Variants in TMC6 observed in about 807,000 individuals in gnomAD.
TMC6 encodes the protein transmembrane channel like 6, also known as transmembrane channel-like protein 6.
In TMC6, 71 loss-of-function variants were observed where a neutral mutation model predicts 95.4. The observed-to-expected ratio is 0.74, with a 90% confidence interval of 0.61 to 0.91. The LOEUF (loss-of-function observed/expected upper bound fraction) is 0.91. Ranked by LOEUF, TMC6 falls within the 40% of genes least tolerant of loss-of-function variation. TMC6 has a pLI of 0.00. For synonymous variants in TMC6, 514 were observed against 483.1 expected, an observed-to-expected ratio of 1.06 and a Z score of -0.84; for missense variants, 1,074 against 1,079.1, an observed-to-expected ratio of 1.00 and a Z score of 0.07.
At chr17:78,116,276 C>CTTT (rs34774395) in intron 18 of TMC6, among the ~76,000 whole-genome samples, 5 of 125,436 alleles carry the variant, frequency 4.0e-5, no homozygotes, top group East Asian at 2.4e-4. Context: ...CATGCCCAGG[C>CTTT]TTTTTTTTTT....
chr17:78,119,578 T>C (rs1013976666), intron 13 of TMC6, among the ~76,000 whole-genome samples, 186 bp from the exon 14 acceptor site: 3 of 152,164 alleles, frequency 2.0e-5, no homozygotes, highest in Non-Finnish European at 4.4e-5. Context: ...ACCAGCCTCA[T>C]CCTAAGTAGG....
At chr17:78,116,066 G>A (rs1224468581) in intron 18 of TMC6, among the ~76,000 whole-genome samples, 1 of 152,042 alleles carries the variant, frequency 6.6e-6, no homozygotes. Context: ...CTGGAGTGCA[G>A]TGGCGCAATC....
rs142191732 is a variant in TMC6 at position 78,124,642 on chromosome 17, A to G, written c.773T>C (p.Phe258Ser). 1.9e-6 allele frequency: 3 copies of G among 1,612,132 alleles called. No individual in the cohort carries two copies. The highest frequency in any genetic ancestry group is 2.5e-6 in the Non-Finnish European group (3 of 1,179,638). Residue 258 changes from phenylalanine (F) to serine (S), a missense_variant, in exon 8 of 20, where the codon TTC becomes TCC. Physicochemically the swap from Phe to Ser is radical, Grantham distance 155. Coordinates refer to ENST00000590602, the MANE Select transcript of TMC6 (RefSeq NM_001127198.5). ...CAGCAGCAGCAGCAGGAGGGCATTG[A>G]AAGCCAGCAGGGTCTTGAGAAAGAG... The part of the protein sequence containing the change: ...YFLFLKTLLA[F>S]NALLLLLLVA...
Position 78,128,108 on chromosome 17 carries a change from C to T in TMC6, c.-75+504G>A, listed in dbSNP as rs568141282. The stretch of plus-strand genomic sequence containing the variant: ...ACTCCGCCCCGAGGCCCAGGCAAGT[C>T]CAGCGGAGTTTCCAGGCGCACCATT... On this transcript the variant is annotated intron_variant, in intron 1 of 19. Coordinates refer to ENST00000590602, the MANE Select transcript of TMC6 (RefSeq NM_001127198.5). The surrounding 1 kb of genome is among the most constrained non-coding windows in gnomAD (Gnocchi z 4.0). 6.6e-6 allele frequency among the ~76,000 whole-genome samples: 1 copy of T among 152,312 alleles called. No homozygotes were observed. Among genetic ancestry groups the T allele is most frequent in the African/African-American group, 2.4e-5 (1 of 41,576 alleles).
At position 78,112,372 on chromosome 17, in the gene TMC6, A is replaced by C; in HGVS notation, c.*776T>G. 1 of 189,668 alleles carries C rather than the reference A, an allele frequency of 5.3e-6. No homozygotes were observed. The allele number at this position is 189,668 out of a possible 1,614,324, so 11.7% of individuals were successfully genotyped here. ...GGCTGGTCCCCGAATCCCTGTGCCC[A>C]CCCCCCACAGCCTACGGTTTTCGGT... On this transcript the variant is annotated 3_prime_UTR_variant, in exon 20 of 20. Transcript: ENST00000590602.
chr17:78,119,202 C>G, intron 14 of TMC6, 95 bp downstream of exon 14: 1 of 1,549,706 alleles, frequency 6.5e-7, no homozygotes, highest in Non-Finnish European at 8.9e-7. Context: ...CCGGGCCTGG[C>G]TGTGGCCCCA....
rs764257185 is a variant in TMC6, at chr17:78,117,590, C to T, written c.2076G>A (p.Glu692=). 19 of 1,584,454 alleles carry T rather than the reference C, an allele frequency of 1.2e-5. No homozygotes were observed. Residue 692 remains glutamate, a synonymous_variant, in exon 17 of 20, where the codon GAG becomes GAA. Transcript: ENST00000590602. ...GPFRTLDTMY[E]AGRVWVRHLE... The stretch of plus-strand genomic sequence containing the variant: ...GGTGGCGCACCCACACCCTGCCGGC[C>T]TCGTACATGGTGTCCAGGGTCCGGA...
chr17:78,117,236 G>C (rs1216565402), intron 18 of TMC6, 33 bp downstream of exon 18: 2 of 1,607,664 alleles, frequency 1.2e-6, no homozygotes, highest in African/African-American at 2.7e-5. Context: ...CTGAGAGGGT[G>C]GGGGCTGAGA....
chr17:78,125,267 CGAGAGG>C lies in TMC6; in HGVS notation c.431-10_431-5del, dbSNP rs2074647678. ...TTCACCAGGAGGCTCTGCTTCTCTG[CGAGAGG>C]GAGAGGGAGGTCCTGCCCATCCCCA... On this transcript the variant is annotated splice_polypyrimidine_tract_variant and splice_region_variant and intron_variant, in intron 5 of 19. Transcript: ENST00000590602. 2 of 1,563,068 alleles carry C rather than the reference CGAGAGG, an allele frequency of 1.3e-6. No homozygotes were observed. Among genetic ancestry groups the C allele is most frequent in the South Asian group, 2.4e-5 (2 of 85,102 alleles).
rs765076838 is a variant in TMC6 at position 78,122,716 on chromosome 17, C to T, written c.1116G>A (p.Val372=). ...TGGCGTGGATGCCAGAGGTGCTGCC[C>T]ACCCGGTAGCTCTCCCCGAAAGAGT... ...MAHSFGESYR[V]GSTSGIHAIT... is the part of the protein sequence containing the mutation. Residue 372 remains valine, a synonymous_variant, in exon 10 of 20, where the codon GTG becomes GTA. Coordinates refer to ENST00000590602, the MANE Select transcript of TMC6 (RefSeq NM_001127198.5). The surrounding 1 kb of genome is among the most constrained non-coding windows in gnomAD (Gnocchi z 4.9). The T allele has an allele frequency of 4.3e-6, 7 of 1,611,178 alleles. No individual in the cohort carries two copies. The South Asian group carries it at 6.6e-5, about 15-fold the overall frequency.
chr17:78,131,597 G>A (rs1424312885), upstream of TMC6: 2 of 1,546,440 alleles, frequency 1.3e-6, no homozygotes. Context: ...AGATGCTGCT[G>A]CCGCGGTCGG....
chr17:78,116,881 A>G (rs963061395), intron 18 of TMC6, among the ~76,000 whole-genome samples: 3 of 150,150 alleles, frequency 2.0e-5, no homozygotes, highest in African/African-American at 7.3e-5. Flanking sequence ...CTCCGTCTCC[A>G]AAAAAAAAAG....
In TMC6 at chr17:78,124,766, C is replaced by A; in HGVS notation, c.649G>T (p.Gly217Cys). The part of the protein sequence containing the change: ...YACVLALHSL[G>C]LALLSALQAL... ...TGCAGGGCGGAGAGCAGCGCCAGGC[C>A]CAGGCTGTGCAAGGCCTGCGGGCAC... Residue 217 changes from glycine to cysteine, a missense_variant, in exon 8 of 20, where the codon GGC becomes TGC. Transcript: ENST00000590602. 1 of 1,582,852 alleles carries A rather than the reference C, an allele frequency of 6.3e-7. No homozygotes were observed.
rs199717203 is a variant in TMC6, at chr17:78,124,525, G to A, written c.890C>T (p.Ala297Val). 987 of 1,610,036 alleles carry A rather than the reference G, an allele frequency of 6.1e-4. No homozygotes were observed. Among genetic ancestry groups the A allele is most frequent in the Non-Finnish European group, 7.5e-4 (880 of 1,179,776 alleles). The stretch of plus-strand genomic sequence containing the variant: ...CCCCCAGTCCTAGGGCTTCCTCACC[G>A]CGCCTGTGAGGAGCTCCAGGCCTGT... ...VCTGLELLTG[A>V]GCFTHTVMYY... Residue 297 changes from alanine (A) to valine (V), a missense_variant and splice_region_variant, in exon 8 of 20, where the codon GCG becomes GTG. By Grantham distance (64) the Ala-to-Val change is moderately conservative (BLOSUM62 0). Coordinates refer to ENST00000590602, the MANE Select transcript of TMC6 (RefSeq NM_001127198.5).
intron 18 of TMC6, among the ~76,000 whole-genome samples, chr17:78,116,063 G>A (rs1240795172): frequency 6.6e-6 from 1 of 152,022 alleles, no homozygotes; most frequent in African/African-American, 2.4e-5. Context: ...GGGCTGGAGT[G>A]CAGTGGCGCA....
chr17:78,127,422 G>A (rs547390945), intron 1 of TMC6, among the ~76,000 whole-genome samples: 1 of 152,180 alleles, frequency 6.6e-6, no homozygotes, highest in African/African-American at 2.4e-5. Context: ...CCCACACACA[G>A]AGGTCACTCC....
At chr17:78,113,259 C>A (rs374890286) in intron 19 of TMC6, 48 bp from the exon 20 acceptor site, 38 of 1,535,520 alleles carry the variant, frequency 2.5e-5, no homozygotes, top group Non-Finnish European at 3.3e-5. Flanking sequence ...CATCAACATC[C>A]CTGCAACCTG....
chr17:78,110,175 T>C lies in TMC6; in HGVS notation c.*2973A>G, dbSNP rs1372592407. On this transcript the variant is annotated 3_prime_UTR_variant, in exon 20 of 20. Transcript: ENST00000590602. ...CCTCAGGCACCAGTGTTTTTTTGTT[T>C]GTTGGGACAGGGTCTTGCCATTGCC... The C allele has an allele frequency of 3.9e-5, 6 of 153,178 alleles. No individual in the cohort carries two copies. Among genetic ancestry groups the C allele is most frequent in the Non-Finnish European group, 8.7e-5 (6 of 68,758 alleles). 9.5% of individuals were successfully genotyped at this position (153,178 alleles called of 1,614,324 possible).
Position 78,128,354 on chromosome 17 carries a change from T to G in TMC6, c.-75+258A>C, listed in dbSNP as rs917853429. ...CACACCCCCTCCCCTCCCCTCCCCG[T>G]GCCCTGGCGCTCGGCTGGGGGACCT... On this transcript the variant is annotated intron_variant, in intron 1 of 19. Transcript: ENST00000590602. The surrounding 1 kb of genome is among the most constrained non-coding windows in gnomAD (Gnocchi z 4.0). Among the ~76,000 whole-genome samples, 2 of 150,246 alleles carry G rather than the reference T, an allele frequency of 1.3e-5. No individual in the cohort carries two copies. The highest frequency in any genetic ancestry group is 2.4e-5 in the African/African-American group (1 of 41,078).
Sources: gnomAD v4.1 joint callset for allele counts (sites outside exome capture counted in the v4.1 genomes callset) on GRCh38, gnomAD v4.1.1 for gene constraint, Gnocchi (gnomAD v3.1) non-coding constraint, MANE v1.5 for transcripts, NCBI Gene and HGNC (gene_info 2026-07-23, HGNC 2026-07-21) for gene names.